VWC2L: variants seen among roughly 807,000 people sequenced by gnomAD.
The protein encoded by VWC2L is von Willebrand factor C domain containing 2 like.
Under a neutral mutation model 21.6 loss-of-function variants are expected in VWC2L, and 10 were observed. That is an observed-to-expected ratio of 0.46 (90% CI 0.29 to 0.78). The LOEUF (loss-of-function observed/expected upper bound fraction) is 0.78, where lower values mean the gene tolerates loss of function less well. Among genes scored for constraint, VWC2L ranks in the 30% least tolerant of loss-of-function variants. The probability of loss-of-function intolerance (pLI) is 0.10; values close to 1 mark genes in which losing one functional copy is unlikely to be tolerated. For missense variants in VWC2L, 209 were observed against 277.1 expected, an observed-to-expected ratio of 0.75 and a Z score of 1.74; for synonymous variants, 96 against 94.3, an observed-to-expected ratio of 1.02 and a Z score of -0.10.
intron 3 of VWC2L, among the ~76,000 whole-genome samples, chr2:214,518,184 T>C (rs1032352077): frequency 6.6e-6 from 1 of 151,724 alleles, no homozygotes; most frequent in African/African-American, 2.4e-5. Context: ...AAAAATGAAT[T>C]AGTACTGTAT....
chr2:214,438,560 G>A (rs993392693), intron 3 of VWC2L, among the ~76,000 whole-genome samples: 1 of 152,014 alleles, frequency 6.6e-6, no homozygotes, highest in African/African-American at 2.4e-5. Flanking sequence ...CATAGAATTA[G>A]AACATGTAAA....
intron 3 of VWC2L, among the ~76,000 whole-genome samples, chr2:214,556,259 C>CA: frequency 6.6e-6 from 1 of 152,172 alleles, no homozygotes; most frequent in South Asian, 2.1e-4. Flanking sequence ...GACTCCATCT[C>CA]AAAAAATAAA....
At chr2:214,549,722 G>A (rs973855761) in intron 3 of VWC2L, among the ~76,000 whole-genome samples, 4 of 152,230 alleles carry the variant, frequency 2.6e-5, no homozygotes, top group East Asian at 1.9e-4. Flanking sequence ...GCAGTGAGCC[G>A]AGATCGTGCC....
At chr2:214,499,302 G>A (rs1338514022) in intron 3 of VWC2L, among the ~76,000 whole-genome samples, 1 of 152,052 alleles carries the variant, frequency 6.6e-6, no homozygotes, top group African/African-American at 2.4e-5. Context: ...ACAGGCATGA[G>A]CCACTGCGCC....
chr2:214,482,870 G>A (rs1320126996), intron 3 of VWC2L, among the ~76,000 whole-genome samples: 4 of 151,976 alleles, frequency 2.6e-5, no homozygotes, highest in Non-Finnish European at 5.9e-5. Flanking sequence ...CTATTGTCCT[G>A]GATTCTGAGC....
At chr2:214,416,674 T>A (rs1313338535) in intron 2 of VWC2L, among the ~76,000 whole-genome samples, 1 of 152,088 alleles carries the variant, frequency 6.6e-6, no homozygotes, top group Non-Finnish European at 1.5e-5. Context: ...TAAGGTCAGA[T>A]AGACTTGGAT....
intron 3 of VWC2L, among the ~76,000 whole-genome samples, chr2:214,534,780 G>C (rs576107920): frequency 2.6e-4 from 39 of 152,190 alleles, no homozygotes; most frequent in Middle Eastern, 3.4e-3. Flanking sequence ...GTTAACTCCA[G>C]TTCTGAAAGT....
At chr2:214,536,717 C>T (rs992353540) in intron 3 of VWC2L, 1 of 151,950 alleles carries the variant, frequency 6.6e-6, no homozygotes. Flanking sequence ...TATCTAATCT[C>T]TTCCTTCCAT....
Position 214,546,662 on chromosome 2 carries a change from T to C in VWC2L, c.521-29010T>C, listed in dbSNP as rs369333544. On this transcript the variant is annotated intron_variant, in intron 3 of 3. Transcript: ENST00000312504. ...AAACCTTGTCATATGATTTCTATTA[T>C]AATATTTGCATATTTTAAGTGAATG... Among the ~76,000 whole-genome samples, 86 of 152,310 alleles carry C rather than the reference T, an allele frequency of 5.6e-4. 1 individual carries two copies. The East Asian group carries it at 0.011, about 20-fold the overall frequency.
intron 3 of VWC2L, among the ~76,000 whole-genome samples, chr2:214,444,569 A>G (rs1702811904): frequency 1.3e-5 from 2 of 152,034 alleles, no homozygotes; most frequent in Non-Finnish European, 1.5e-5. Flanking sequence ...CAAAATAAAC[A>G]TTTCTTGTGA....
chr2:214,436,530 C>A lies in VWC2L; in HGVS notation c.391-99C>A, dbSNP rs1702681754. 5 of 1,432,112 alleles carry A rather than the reference C, an allele frequency of 3.5e-6. No homozygotes were observed. The African/African-American group carries it at 7.1e-5, about 20-fold the overall frequency. 88.7% of individuals were successfully genotyped at this position (1,432,112 alleles called of 1,614,324 possible). On this transcript the variant is annotated intron_variant, in intron 2 of 3. Coordinates refer to ENST00000312504, the MANE Select transcript of VWC2L (RefSeq NM_001080500.4). The stretch of plus-strand genomic sequence containing the variant: ...GGTAAATGGAATTAATACAGTAAAG[C>A]CAATATAATAAGCACTGATGTTTTG...
intron 3 of VWC2L, among the ~76,000 whole-genome samples, chr2:214,558,914 A>C (rs1424538333): frequency 2.6e-5 from 4 of 151,342 alleles, no homozygotes; most frequent in Admixed American, 2.6e-4. Context: ...GTACATGTGC[A>C]CATTGTGCAG....
At chr2:214,479,634 A>G (rs757683337) in intron 3 of VWC2L, among the ~76,000 whole-genome samples, 2 of 152,048 alleles carry the variant, frequency 1.3e-5, no homozygotes, top group African/African-American at 4.8e-5. Context: ...ATGAAACCCC[A>G]TCTCTACTAA....
At chr2:214,419,274 T>G (rs1702399319) in intron 2 of VWC2L, among the ~76,000 whole-genome samples, 1 of 152,210 alleles carries the variant, frequency 6.6e-6, no homozygotes, top group Non-Finnish European at 1.5e-5. Flanking sequence ...AATATGACAC[T>G]GGAACCTACT....
intron 3 of VWC2L, among the ~76,000 whole-genome samples, chr2:214,445,851 C>T (rs1395691506): frequency 6.6e-6 from 1 of 151,928 alleles, no homozygotes; most frequent in Non-Finnish European, 1.5e-5. Flanking sequence ...AGAAATTATA[C>T]TATGACTTCT....
chr2:214,570,745 TCC>T (rs1690138538), intron 3 of VWC2L, among the ~76,000 whole-genome samples: 1 of 152,136 alleles, frequency 6.6e-6, no homozygotes. Flanking sequence ...TGCTCCTAGC[TCC>T]AACTCCCAGT....
intron 3 of VWC2L, among the ~76,000 whole-genome samples, chr2:214,437,008 T>C (rs183806611): frequency 2.6e-5 from 4 of 152,210 alleles, no homozygotes; most frequent in Admixed American, 2.0e-4. Context: ...TTATTTCGTG[T>C]TGATTTAAAA....
At chr2:214,472,168 T>A (rs1489759827) in intron 3 of VWC2L, 1 of 152,082 alleles carries the variant, frequency 6.6e-6, no homozygotes, top group African/African-American at 2.4e-5. Flanking sequence ...TTGGCTTGAA[T>A]TGAGAATAAA....
At chr2:214,534,850 T>C (rs565072112) in intron 3 of VWC2L, among the ~76,000 whole-genome samples, 1 of 152,188 alleles carries the variant, frequency 6.6e-6, no homozygotes, top group African/African-American at 2.4e-5. Context: ...GATGCAAATG[T>C]TTCCCTCTTT....
Sources: allele counts gnomAD v4.1 joint callset (sites outside exome capture counted in the v4.1 genomes callset), GRCh38; gene constraint gnomAD v4.1.1; transcripts MANE v1.5; gene names NCBI Gene and HGNC (gene_info 2026-07-23, HGNC 2026-07-21).